The following GAS2 variants were observed in gnomAD, a reference collection of about 807,000 sequenced individuals.
The protein encoded by GAS2 is growth arrest-specific protein 2.
A neutral mutation model predicts 37.5 loss-of-function variants in GAS2; 20 were observed. That is an observed-to-expected ratio of 0.53 (90% CI 0.37 to 0.77). The LOEUF (loss-of-function observed/expected upper bound fraction) is 0.77. GAS2 is among the 30% of genes least tolerant of loss of function. The pLI is 0.00. For missense variants in GAS2, 336 were observed against 373.4 expected, an observed-to-expected ratio of 0.90 and a Z score of 0.82; for synonymous variants, 144 against 132.2, an observed-to-expected ratio of 1.09 and a Z score of -0.61.
At chr11:22,740,595 T>C (rs1475134012) in intron 5 of GAS2, among the ~76,000 whole-genome samples, 2 of 152,232 alleles carry the variant, frequency 1.3e-5, no homozygotes, top group Non-Finnish European at 2.9e-5. Context: ...TCTCTCTGGA[T>C]ACATTTAAAG....
intron 1 of GAS2, among the ~76,000 whole-genome samples, chr11:22,651,834 A>T (rs1386181051): frequency 2.0e-5 from 3 of 152,008 alleles, no homozygotes; most frequent in Non-Finnish European, 4.4e-5. Flanking sequence ...ACTTTTTTCA[A>T]AGTTTTCAAC....
chr11:22,645,538 C>G (rs2133823022), intron 1 of GAS2, among the ~76,000 whole-genome samples: 1 of 151,606 alleles, frequency 6.6e-6, no homozygotes, highest in Non-Finnish European at 1.5e-5. Flanking sequence ...CACACACATA[C>G]ATATAAAATA....
At chr11:22,726,969 T>A (rs1852247586) in intron 4 of GAS2, among the ~76,000 whole-genome samples, 1 of 152,122 alleles carries the variant, frequency 6.6e-6, no homozygotes, top group South Asian at 2.1e-4. Flanking sequence ...ATCAAAGATG[T>A]TGAATTAAAA....
In GAS2 at chr11:22,752,687, G is replaced by A. The variant is rs1326441333; in HGVS notation, c.616-3159G>A. Among the ~76,000 whole-genome samples, 7 of 151,138 alleles carry A rather than the reference G, an allele frequency of 4.6e-5. No individual in the cohort carries two copies. The East Asian group carries it at 1.4e-3, about 29-fold the overall frequency. On this transcript the variant is annotated intron_variant, in intron 6 of 7. Coordinates refer to ENST00000454584, the MANE Select transcript of GAS2 (RefSeq NM_001143830.3). ...AAGAGAAAGAGGAGGAGTAAAAGAA[G>A]GGAAAAAAAAACAAGAAGAAGAAAA...
rs1009610961 is a variant in GAS2, at chr11:22,776,129, C to T, written c.723+20176C>T. Among the ~76,000 whole-genome samples the T allele has an allele frequency of 3.3e-5, 5 of 152,268 alleles. No individual in the cohort carries two copies. In the East Asian group the frequency reaches 7.7e-4, roughly 23 times the overall value. On this transcript the variant is annotated intron_variant, in intron 7 of 7. Coordinates refer to ENST00000454584, the MANE Select transcript of GAS2 (RefSeq NM_001143830.3). The stretch of plus-strand genomic sequence containing the variant: ...TTCAGTAGCAGAGAGTAAGTACCTA[C>T]TATGTGCCTGGAACTGGTGTCATGA...
At chr11:22,732,109 C>A (rs2134195557) in intron 4 of GAS2, among the ~76,000 whole-genome samples, 1 of 151,728 alleles carries the variant, frequency 6.6e-6, no homozygotes, top group South Asian at 2.1e-4. Context: ...AATCATGCCC[C>A]ATCTGTTATA....
intron 2 of GAS2, among the ~76,000 whole-genome samples, chr11:22,683,778 C>A (rs931036418): frequency 1.3e-5 from 2 of 151,760 alleles, no homozygotes; most frequent in South Asian, 4.1e-4. Context: ...GCTCACTGAG[C>A]ACATTTACTA....
At chr11:22,728,499 A>G (rs1202813455) in intron 4 of GAS2, among the ~76,000 whole-genome samples, 2 of 151,602 alleles carry the variant, frequency 1.3e-5, no homozygotes, top group Non-Finnish European at 2.9e-5. Flanking sequence ...TTGAAAAAAT[A>G]TATTCTGACA....
intron 6 of GAS2, 123 bp downstream of exon 6, chr11:22,749,384 AGCCCATAT>A: frequency 1.1e-6 from 1 of 885,984 alleles, no homozygotes; most frequent in Non-Finnish European, 1.6e-6. Flanking sequence ...ATGTATTTTA[AGCCCATAT>A]GAAAAACTTT....
chr11:22,691,516 A>G (rs1850245635), intron 3 of GAS2, among the ~76,000 whole-genome samples: 1 of 152,220 alleles, frequency 6.6e-6, no homozygotes, highest in South Asian at 2.1e-4. Flanking sequence ...TATGAAAAAG[A>G]AAATAAAATC....
intron 3 of GAS2, among the ~76,000 whole-genome samples, chr11:22,717,065 A>G (rs527678982): frequency 7.0e-4 from 107 of 152,316 alleles, no homozygotes; most frequent in South Asian, 4.3e-3. Context: ...GAAGATGACC[A>G]TACTTCCAAA....
intron 1 of GAS2, among the ~76,000 whole-genome samples, chr11:22,653,964 C>T (rs1848827311): frequency 6.6e-6 from 1 of 152,176 alleles, no homozygotes; most frequent in Non-Finnish European, 1.5e-5. Context: ...AAAATCAAGT[C>T]ACATGGAGAA....
At chr11:22,629,372 G>A (rs1858713675) in intron 1 of GAS2, among the ~76,000 whole-genome samples, 1 of 151,988 alleles carries the variant, frequency 6.6e-6, no homozygotes, top group African/African-American at 2.4e-5. Flanking sequence ...TCTGGCCAGG[G>A]TAAGGTAGTA....
At chr11:22,753,618 T>C (rs1419456683) in intron 6 of GAS2, among the ~76,000 whole-genome samples, 1 of 152,078 alleles carries the variant, frequency 6.6e-6, no homozygotes, top group Non-Finnish European at 1.5e-5. Context: ...CCTCAGGCCA[T>C]GTGCTTTCTT....
chr11:22,740,500 A>G (rs1391966531), intron 5 of GAS2, among the ~76,000 whole-genome samples: 1 of 152,218 alleles, frequency 6.6e-6, no homozygotes, highest in Non-Finnish European at 1.5e-5. Flanking sequence ...TCATGGTGCT[A>G]CTATTATTCT....
chr11:22,753,672 C>T (rs1417125789), intron 6 of GAS2, among the ~76,000 whole-genome samples: 1 of 152,100 alleles, frequency 6.6e-6, no homozygotes, highest in Non-Finnish European at 1.5e-5. Context: ...GACCCCTTCT[C>T]CCAATGCCCC....
intron 1 of GAS2, among the ~76,000 whole-genome samples, chr11:22,632,251 C>G (rs1224615613): frequency 6.6e-6 from 1 of 152,052 alleles, no homozygotes; most frequent in African/African-American, 2.4e-5. Flanking sequence ...CAAACAGTGA[C>G]ATATTCCCTT....
At chr11:22,768,140 A>C (rs1590109275) in intron 7 of GAS2, among the ~76,000 whole-genome samples, 1 of 152,230 alleles carries the variant, frequency 6.6e-6, no homozygotes, top group South Asian at 2.1e-4. Flanking sequence ...TGTTAGAAGC[A>C]GAATAAGATC....
At chr11:22,808,068 C>A (rs1309660776) in intron 7 of GAS2, among the ~76,000 whole-genome samples, 1 of 152,126 alleles carries the variant, frequency 6.6e-6, no homozygotes, top group African/African-American at 2.4e-5. Flanking sequence ...GACACTTGGG[C>A]AAGTTTCAAA....
Sources: gnomAD v4.1 joint callset for allele counts (sites outside exome capture counted in the v4.1 genomes callset) on GRCh38, gnomAD v4.1.1 for gene constraint, MANE v1.5 for transcripts, NCBI Gene and HGNC (gene_info 2026-07-23, HGNC 2026-07-21) for gene names.